Variants in TBC1D9 observed in about 807,000 individuals in gnomAD.
TBC1D9 encodes the protein TBC1 domain family member 9A.
A neutral mutation model predicts 132.0 loss-of-function variants in TBC1D9; 63 were observed. The observed-to-expected ratio is 0.48, with a 90% CI of 0.39 to 0.59. The LOEUF is 0.59. Among genes scored for constraint, TBC1D9 ranks in the 20% least tolerant of loss-of-function variants. The probability of loss-of-function intolerance (pLI) is 0.00; values close to 1 mark genes in which losing one functional copy is unlikely to be tolerated. For missense variants in TBC1D9, 1,261 were observed against 1,592.7 expected (o/e 0.79, Z 3.54); for synonymous variants, 610 against 609.9 (o/e 1.00, Z 0.00).
intron 1 of TBC1D9, among the ~76,000 whole-genome samples, chr4:140,744,590 G>GT (rs754911818): frequency 2.0e-5 from 3 of 152,038 alleles, no homozygotes; most frequent in Non-Finnish European, 4.4e-5. Context: ...CCTCATCTAC[G>GT]TAAGAGCCTT....
chr4:140,622,901 A>C lies in TBC1D9; in HGVS notation c.3095T>G (p.Leu1032Arg). 6.5e-7 allele frequency: 1 copy of C among 1,534,710 alleles called. No individual in the cohort carries two copies. The highest frequency in any genetic ancestry group is 1.2e-5 in the South Asian group (1 of 81,070). ...GAACATGTTATACATTGTCTTACACAGTTCAATGAACTGCCCCTGAAAAGC... is the reference window on the plus strand; with the variant it reads ...GAACATGTTATACATTGTCTTACACCGTTCAATGAACTGCCCCTGAAAAGC... ...PKLNQGQFIELCKTMYNMFSE... is the reference protein window; with the variant it reads ...PKLNQGQFIERCKTMYNMFSE... Residue 1032 changes from leucine (L) to arginine (R), a missense_variant, in exon 21 of 21, where the codon CTG (leucine) becomes CGG (arginine). By Grantham distance (102) the Leu-to-Arg change is moderately radical. Transcript: ENST00000442267.
Position 140,676,972 on chromosome 4 carries a change from C to T in TBC1D9, c.981G>A (p.Gln327=), listed in dbSNP as rs2303911. Residue 327 remains glutamine (Q), a synonymous_variant, in exon 6 of 21, where the codon CAG becomes CAA. Transcript: ENST00000442267. ...AGATGTAATTTGTGGACACAAACATCTGCCCCAAAATGTGCATTTTGTTAA... is the reference window on the plus strand; with the variant it reads ...AGATGTAATTTGTGGACACAAACATTTGCCCCAAAATGTGCATTTTGTTAA... ...TPFNKMHILG[Q]MFVSTNYICF... is the part of the protein sequence containing the mutation. 0.15 allele frequency: 246,724 copies of T among 1,613,826 alleles called. 19,880 individuals are homozygous for T. Among genetic ancestry groups the T allele is most frequent in the Non-Finnish European group, 0.17 (196,236 of 1,179,814 alleles).
intron 18 of TBC1D9, among the ~76,000 whole-genome samples, chr4:140,625,263 G>T (rs1490795813): frequency 6.6e-6 from 1 of 151,706 alleles, no homozygotes; most frequent in African/African-American, 2.4e-5. Context: ...GCAGAAGAGA[G>T]AAAATTTTTT....
Position 140,657,696 on chromosome 4 carries a change from T to C in TBC1D9, c.2038A>G (p.Thr680Ala). ...ISTISLSWFL[T>A]LFLSVMPFES... ...AAAGGCATCACACTGAGAAATAGTG[T>C]GAGGAACCAAGACAGGGAGATGGTG... The change falls in exon 12 of 21, where the codon ACA (threonine) becomes GCA (alanine). Residue 680 changes from threonine (T) to alanine (A), a missense_variant. Transcript: ENST00000442267. 6.2e-7 allele frequency: 1 copy of C among 1,613,960 alleles called. No individual in the cohort carries two copies. Among genetic ancestry groups the C allele is most frequent in the Non-Finnish European group, 8.5e-7 (1 of 1,179,884 alleles).
At chr4:140,749,348 G>A (rs2111085474) in intron 1 of TBC1D9, among the ~76,000 whole-genome samples, 1 of 152,226 alleles carries the variant, frequency 6.6e-6, no homozygotes, top group South Asian at 2.1e-4. Flanking sequence ...CTCAAAAAGT[G>A]TAACTTAAAA....
At chr4:140,742,912 A>G (rs1224723318) in intron 1 of TBC1D9, among the ~76,000 whole-genome samples, 1 of 149,730 alleles carries the variant, frequency 6.7e-6, no homozygotes, top group Non-Finnish European at 1.5e-5. Flanking sequence ...GGAGGAGGAG[A>G]AAGAGAAAGA....
Position 140,677,055 on chromosome 4 carries a change from G to A in TBC1D9, c.898C>T (p.Arg300Trp), listed in dbSNP as rs764794465. Residue 300 changes from arginine (R) to tryptophan (W), a missense_variant, in exon 6 of 21, where the codon CGG becomes TGG. Around this residue, in one of 3 missense-constraint regions of TBC1D9, gnomAD observed 550 missense variants for 699.0 expected, o/e 0.79. Coordinates refer to ENST00000442267, the MANE Select transcript of TBC1D9 (RefSeq NM_015130.3). Reference sequence around the variant, plus strand: ...TCTAATTTTTCATCTTTGGGCAGCCGGAAAAGTGCACGGTATCTCTCACTC... The same window carrying A: ...TCTAATTTTTCATCTTTGGGCAGCCAGAAAAGTGCACGGTATCTCTCACTC... Reference protein sequence around the residue: ...AKSERYRALFRLPKDEKLDGH... With the variant: ...AKSERYRALFWLPKDEKLDGH... 10 of 1,613,748 alleles carry A rather than the reference G, an allele frequency of 6.2e-6. No homozygotes were observed. The highest frequency in any genetic ancestry group is 4.0e-5 in the African/African-American group (3 of 74,864).
intron 20 of TBC1D9, 37 bp from the exon 21 acceptor site, chr4:140,622,954 T>TG (rs1736645107): frequency 1.4e-6 from 2 of 1,474,142 alleles, no homozygotes; most frequent in Non-Finnish European, 1.8e-6. Context: ...TGTGAAATCT[T>TG]GGGGGAGCAG....
At chr4:140,712,780 G>GATAGATAA (rs1446576066) in intron 1 of TBC1D9, among the ~76,000 whole-genome samples, 3 of 140,052 alleles carry the variant, frequency 2.1e-5, no homozygotes, top group Non-Finnish European at 4.7e-5. Context: ...TAGATAGATA[G>GATAGATAA]ATAGATAAAT....
intron 1 of TBC1D9, among the ~76,000 whole-genome samples, chr4:140,730,501 C>T (rs184436640): frequency 2.0e-5 from 3 of 152,262 alleles, no homozygotes; most frequent in African/African-American, 7.2e-5. Flanking sequence ...CCGAGGCAGG[C>T]AGATCACCTG....
At chr4:140,700,666 C>G (rs537594199) in intron 2 of TBC1D9, among the ~76,000 whole-genome samples, 45 of 150,118 alleles carry the variant, frequency 3.0e-4, no homozygotes, top group Non-Finnish European at 4.3e-4. Flanking sequence ...AGTAAAAACA[C>G]AAAAATTAGC....
At chr4:140,669,215 G>T in intron 8 of TBC1D9, 148 bp from the exon 9 acceptor site, 1 of 799,216 alleles carries the variant, frequency 1.3e-6, no homozygotes, top group South Asian at 2.0e-5. Context: ...ATTTTCTGGA[G>T]TTCTTCTCTA....
chr4:140,672,058 T>C (rs1019916907), intron 6 of TBC1D9, among the ~76,000 whole-genome samples: 3 of 152,088 alleles, frequency 2.0e-5, no homozygotes, highest in South Asian at 2.1e-4. Context: ...AAGTAACCTA[T>C]TGAAGTTGTC....
At chr4:140,627,901 A>G (rs1736733655) in intron 17 of TBC1D9, among the ~76,000 whole-genome samples, 1 of 152,206 alleles carries the variant, frequency 6.6e-6, no homozygotes, top group South Asian at 2.1e-4. Context: ...CATTTTTAAA[A>G]GTATTTGCTA....
At chr4:140,642,493 G>A in intron 13 of TBC1D9, 1 of 1,096,568 alleles carries the variant, frequency 9.1e-7, no homozygotes, top group Non-Finnish European at 1.4e-6. Context: ...TTTCCCCCCA[G>A]CACTGTCTGA....
chr4:140,687,343 C>CTTAT (rs1491570009), intron 2 of TBC1D9, among the ~76,000 whole-genome samples: 5 of 37,874 alleles, frequency 1.3e-4, no homozygotes, highest in Admixed American at 3.7e-4. Flanking sequence ...GTGTGTGTGT[C>CTTAT]ATATATATAT....
intron 11 of TBC1D9, among the ~76,000 whole-genome samples, chr4:140,658,808 T>TAA (rs745959619): frequency 7.1e-6 from 1 of 140,632 alleles, no homozygotes. Flanking sequence ...GAGATGGTCT[T>TAA]AAAAAAAAAA....
Position 140,634,236 on chromosome 4 carries a change from C to T in TBC1D9, c.2506-48G>A, listed in dbSNP as rs780924115. The stretch of plus-strand genomic sequence containing the variant: ...TGGGGACCCTCTTTTGCAGCAAATA[C>T]CAGAAAGAAAACGCCCATCCTCCAG... On this transcript the variant is annotated intron_variant, in intron 15 of 20. Transcript: ENST00000442267. 1.3e-5 allele frequency: 20 copies of T among 1,588,904 alleles called. No individual in the cohort carries two copies. The East Asian group carries it at 4.2e-4, about 34-fold the overall frequency.
chr4:140,652,401 TAATG>T (rs1298690078), intron 13 of TBC1D9, among the ~76,000 whole-genome samples: 1 of 152,162 alleles, frequency 6.6e-6, no homozygotes, highest in East Asian at 1.9e-4. Context: ...GAAGCAGAGA[TAATG>T]TACTTCAAGA....
Sources: allele counts gnomAD v4.1 joint callset (sites outside exome capture counted in the v4.1 genomes callset), GRCh38; gene constraint gnomAD v4.1.1; regional missense constraint gnomAD v4.1.1; transcripts MANE v1.5; gene names NCBI Gene and HGNC (gene_info 2026-07-23, HGNC 2026-07-21).